CSMD1: variants seen among roughly 807,000 people sequenced by gnomAD.
CSMD1 encodes the protein CUB and Sushi multiple domains 1, also known as CUB and sushi domain-containing protein 1.
Under a neutral mutation model 417.5 loss-of-function variants are expected in CSMD1, and 213 were observed. The observed-to-expected ratio is 0.51, with a 90% confidence interval of 0.46 to 0.57. The LOEUF (loss-of-function observed/expected upper bound fraction) is 0.57. Among genes scored for constraint, CSMD1 ranks in the 20% least tolerant of loss-of-function variants. CSMD1 has a pLI of 0.00. For synonymous variants in CSMD1, 2,862 were observed against 1,736.8 expected (o/e 1.65, Z -16.11); for missense variants, 6,923 against 4,529.7 (o/e 1.53, Z -15.17).
chr8:4,956,129 C>G (rs1473080238), intron 1 of CSMD1, among the ~76,000 whole-genome samples: 1 of 152,108 alleles, frequency 6.6e-6, no homozygotes, highest in Non-Finnish European at 1.5e-5. Context: ...TACTTTCTCG[C>G]TCATAATGGA....
intron 3 of CSMD1, among the ~76,000 whole-genome samples, chr8:4,242,921 C>A (rs1047680879): frequency 4.6e-5 from 7 of 151,802 alleles, no homozygotes; most frequent in African/African-American, 9.7e-5. Flanking sequence ...TTTTCTGACC[C>A]AGAAAAAAAG....
intron 7 of CSMD1, chr8:3,700,424 T>C (rs1800793934): frequency 6.6e-6 from 1 of 152,136 alleles, no homozygotes; most frequent in East Asian, 1.9e-4. Flanking sequence ...ATGTAATATG[T>C]TATAATAACT....
intron 12 of CSMD1, among the ~76,000 whole-genome samples, chr8:3,431,374 C>T (rs1279335304): frequency 6.6e-6 from 1 of 152,126 alleles, no homozygotes; most frequent in African/African-American, 2.4e-5. Flanking sequence ...ATCTCATTTT[C>T]CCACTAGGCA....
chr8:3,502,190 C>T (rs1796630528), intron 10 of CSMD1, among the ~76,000 whole-genome samples: 1 of 151,726 alleles, frequency 6.6e-6, no homozygotes, highest in Non-Finnish European at 1.5e-5. Context: ...TGGTGAAACC[C>T]CGTCTCTACT....
At chr8:4,394,629 G>T (rs1804078728) in intron 3 of CSMD1, among the ~76,000 whole-genome samples, 1 of 151,898 alleles carries the variant, frequency 6.6e-6, no homozygotes, top group Admixed American at 6.6e-5. Context: ...ATTAGGGCTG[G>T]GAACTCCTGT....
chr8:4,592,098 G>A (rs1157184185), intron 2 of CSMD1, among the ~76,000 whole-genome samples: 1 of 152,082 alleles, frequency 6.6e-6, no homozygotes, highest in African/African-American at 2.4e-5. Context: ...GCTGGTAGAT[G>A]TTTAACGAGC....
chr8:4,629,719 TA>T (rs1563349445), intron 2 of CSMD1, among the ~76,000 whole-genome samples: 2 of 152,216 alleles, frequency 1.3e-5, no homozygotes, highest in African/African-American at 4.8e-5. Flanking sequence ...CTAACATATT[TA>T]TTTTGCTACA....
At chr8:3,216,721 G>T (rs887816292) in intron 29 of CSMD1, among the ~76,000 whole-genome samples, 4 of 152,196 alleles carry the variant, frequency 2.6e-5, no homozygotes, top group African/African-American at 7.2e-5. Context: ...GGTGTATTTT[G>T]TGTTGTCCGT....
intron 50 of CSMD1, among the ~76,000 whole-genome samples, chr8:3,032,485 A>C (rs956589123): frequency 2.0e-5 from 3 of 152,050 alleles, no homozygotes; most frequent in Non-Finnish European, 4.4e-5. Flanking sequence ...TGTCCCAAAG[A>C]ATGTCCTTTA....
At chr8:3,690,082 C>G (rs7015253) in intron 7 of CSMD1, among the ~76,000 whole-genome samples, 143,862 of 152,324 alleles carry the variant, frequency 0.94, 68,004 homozygotes, top group East Asian at 1. Context: ...ATCTAGGCTG[C>G]GCGTAGTGGC....
chr8:4,746,178 C>T (rs1388108376), intron 1 of CSMD1, among the ~76,000 whole-genome samples: 1 of 152,110 alleles, frequency 6.6e-6, no homozygotes, highest in Non-Finnish European at 1.5e-5. Context: ...ATCCAAAATT[C>T]TTTGTCCAAT....
At position 4,322,642 on chromosome 8, in the gene CSMD1, TAAG is replaced by T. The variant is rs527778359; in HGVS notation, c.415+97308_415+97310del. Among the ~76,000 whole-genome samples, 682 of 152,294 alleles carry T rather than the reference TAAG, an allele frequency of 4.5e-3. 4 individuals are homozygous for T. Among genetic ancestry groups the T allele is most frequent in the Admixed American group, 0.011 (161 of 15,298 alleles). On this transcript the variant is annotated intron_variant, in intron 3 of 69. Coordinates refer to ENST00000635120, the MANE Select transcript of CSMD1 (RefSeq NM_033225.6). The stretch of plus-strand genomic sequence containing the variant: ...ATGCTGGACATATTTGAGAAAAATC[TAAG>T]AATAATCACTGTCTACAGAATATTG...
chr8:4,129,518 G>T (rs567218563), intron 3 of CSMD1, among the ~76,000 whole-genome samples: 99 of 152,150 alleles, frequency 6.5e-4, no homozygotes, highest in African/African-American at 2.4e-3. Context: ...ATTTTGCCAG[G>T]GCATAGGAAT....
At chr8:3,701,668 G>A (rs967724299) in intron 7 of CSMD1, among the ~76,000 whole-genome samples, 1 of 152,126 alleles carries the variant, frequency 6.6e-6, no homozygotes, top group Non-Finnish European at 1.5e-5. Context: ...ATTTTCTGAA[G>A]TATATTTTGC....
intron 7 of CSMD1, among the ~76,000 whole-genome samples, chr8:3,662,922 G>A (rs764396385): frequency 6.6e-6 from 1 of 152,114 alleles, no homozygotes; most frequent in African/African-American, 2.4e-5. Context: ...GGGTTGATAG[G>A]TGCAGCAAAC....
chr8:4,277,145 C>G (rs1000854339), intron 3 of CSMD1, among the ~76,000 whole-genome samples: 19 of 151,690 alleles, frequency 1.3e-4, no homozygotes, highest in Admixed American at 2.0e-4. Context: ...CTATATAGAG[C>G]CATAGTTTAA....
intron 10 of CSMD1, among the ~76,000 whole-genome samples, chr8:3,537,907 T>C (rs1798270847): frequency 6.6e-6 from 1 of 152,228 alleles, no homozygotes; most frequent in South Asian, 2.1e-4. Flanking sequence ...CTTTTACTTC[T>C]CTTGGATAGA....
intron 8 of CSMD1, among the ~76,000 whole-genome samples, chr8:3,612,625 T>A (rs772741571): frequency 1.3e-5 from 2 of 152,146 alleles, no homozygotes; most frequent in Non-Finnish European, 2.9e-5. Context: ...CCATGCAGAT[T>A]CTTAGAAAAT....
At position 3,369,421 on chromosome 8, in the gene CSMD1, G is replaced by T; in HGVS notation, c.2783-51C>A. 4.6e-6 allele frequency: 4 copies of T among 875,042 alleles called. No individual in the cohort carries two copies. The South Asian group carries it at 5.9e-5, about 13-fold the overall frequency. The allele number at this position is 875,042 out of a possible 1,614,324, so 54.2% of individuals were successfully genotyped here. ...ACAGCACTAAAGTTTCACAATGATTGCCAGAACAAAATACTGGTTAAATGG... is the reference window on the plus strand; with the variant it reads ...ACAGCACTAAAGTTTCACAATGATTTCCAGAACAAAATACTGGTTAAATGG... On this transcript the variant is annotated intron_variant, in intron 18 of 69. Transcript: ENST00000635120.
Sources: allele counts gnomAD v4.1 joint callset (sites outside exome capture counted in the v4.1 genomes callset), GRCh38; gene constraint gnomAD v4.1.1; transcripts MANE v1.5; gene names NCBI Gene and HGNC (gene_info 2026-07-23, HGNC 2026-07-21).